The following CDH17 variants were observed in gnomAD, a reference collection of about 807,000 sequenced individuals.
The protein encoded by CDH17 is cadherin-17.
Under a neutral mutation model 86.3 loss-of-function variants are expected in CDH17, and 67 were observed. That is an observed-to-expected ratio of 0.78 (90% CI 0.64 to 0.95). The LOEUF (loss-of-function observed/expected upper bound fraction) is 0.95. CDH17 is among the 40% of genes least tolerant of loss of function. The pLI is 0.00. For missense variants in CDH17, 993 were observed against 1,017.6 expected (o/e 0.98, Z 0.33); for synonymous variants, 367 against 366.4 (o/e 1.00, Z -0.02).
In CDH17 at chr8:94,177,765, C is replaced by T. The variant is rs572405960; in HGVS notation, c.151-44G>A. ...ACAGATTAAGTTGTAAGGGAAAAAA[C>T]AATGTTGTGGAATTTGTAGAAAGTC... On this transcript the variant is annotated intron_variant, in intron 3 of 17. Transcript: ENST00000027335. 1.9e-6 allele frequency: 3 copies of T among 1,596,196 alleles called. No individual in the cohort carries two copies. In the African/African-American group the frequency reaches 4.0e-5, roughly 21 times the overall value.
rs768803708 is a variant in CDH17, at chr8:94,176,672, G to A, written c.293C>T (p.Ala98Val). The A allele has an allele frequency of 1.9e-6, 3 of 1,611,538 alleles. No individual in the cohort carries two copies. The highest frequency in any genetic ancestry group is 2.5e-6 in the Non-Finnish European group (3 of 1,179,042). The change falls in exon 5 of 18, where the codon GCC becomes GTC. Residue 98 changes from alanine to valine, a missense_variant. By Grantham distance (64) the Ala-to-Val change is moderately conservative. Transcript: ENST00000027335. ...CACTATAATTCCATTAGCGTCCAGG[G>A]CTGCAACCTGATGTTGAGGAAAAGG... ...TRSTHNLQVA[A>V]LDANGIIVEG... is the part of the protein sequence containing the mutation.
rs779795494 is a variant in CDH17 at position 94,151,945 on chromosome 8, C to T, written c.1719G>A (p.Ala573=). ...APQFSQHVFQ[A]KVSEDVAIGT... ...CTATAGCTACATCCTCACTGACTTTCGCTTGGAATACGTGTTGGGAAAATT... is the reference window on the plus strand; with the variant it reads ...CTATAGCTACATCCTCACTGACTTTTGCTTGGAATACGTGTTGGGAAAATT... The change falls in exon 13 of 18, where the codon GCG becomes GCA. Residue 573 remains alanine, a synonymous_variant. Coordinates refer to ENST00000027335, the MANE Select transcript of CDH17 (RefSeq NM_004063.4). 9.3e-6 allele frequency: 15 copies of T among 1,614,034 alleles called. No homozygotes were observed. Among genetic ancestry groups the T allele is most frequent in the African/African-American group, 5.3e-5 (4 of 74,928 alleles).
At chr8:94,176,833 A>T (rs1178286174) in intron 4 of CDH17, among the ~76,000 whole-genome samples, 154 bp from the exon 5 acceptor site, 1 of 152,194 alleles carries the variant, frequency 6.6e-6, no homozygotes, top group Non-Finnish European at 1.5e-5. Context: ...GAAATGCTAA[A>T]ACAGGGATTG....
chr8:94,151,859 G>T lies in CDH17; in HGVS notation c.1796+9C>A. On this transcript the variant is annotated intron_variant, in intron 13 of 17. Transcript: ENST00000027335. ...GCAGCCAGGCCTGCCCAGCACTGTT[G>T]CCCTTTACCTTATGTCCAGACCTTC... The T allele has an allele frequency of 6.2e-7, 1 of 1,614,032 alleles. No individual in the cohort carries two copies. Among genetic ancestry groups the T allele is most frequent in the East Asian group, 2.2e-5 (1 of 44,874 alleles).
chr8:94,130,773 T>C, intron 16 of CDH17, 34 bp from the exon 17 acceptor site: 1 of 1,570,200 alleles, frequency 6.4e-7, no homozygotes, highest in Non-Finnish European at 8.8e-7. Context: ...TAGGATAAAT[T>C]CTCAAGTGAA....
At chr8:94,182,991 A>T (rs563000389) in intron 3 of CDH17, among the ~76,000 whole-genome samples, 1 of 152,236 alleles carries the variant, frequency 6.6e-6, no homozygotes, top group East Asian at 1.9e-4. Context: ...TGATATTTTT[A>T]AAATTCCATT....
rs187280593 is a variant in CDH17 at position 94,158,840 on chromosome 8, T to C, written c.1551+1131A>G. Among the ~76,000 whole-genome samples the C allele has an allele frequency of 2.1e-3, 325 of 152,328 alleles. 3 individuals carry two copies. The highest frequency in any genetic ancestry group is 7.5e-3 in the African/African-American group (310 of 41,572). ...GTCCTAGGGCTTGCTTCAGCACTAGTGCTTTTTTCTCTGTGCTTCTGTCCA... is the reference window on the plus strand; with the variant it reads ...GTCCTAGGGCTTGCTTCAGCACTAGCGCTTTTTTCTCTGTGCTTCTGTCCA... On this transcript the variant is annotated intron_variant, in intron 12 of 17. Transcript: ENST00000027335.
At chr8:94,128,386 G>T in intron 17 of CDH17, 46 bp from the exon 18 acceptor site, 1 of 1,151,122 alleles carries the variant, frequency 8.7e-7, no homozygotes, top group Non-Finnish European at 1.3e-6. Flanking sequence ...CTTTTAAAAT[G>T]TACTGTCACA....
upstream of CDH17, among the ~76,000 whole-genome samples, chr8:94,212,711 A>C (rs1814141682): frequency 6.6e-6 from 1 of 152,154 alleles, no homozygotes; most frequent in South Asian, 2.1e-4. Context: ...TTTCTTCCCC[A>C]CTATCTACTC....
chr8:94,209,675 C>G (rs912635747), upstream of CDH17, among the ~76,000 whole-genome samples: 18 of 152,208 alleles, frequency 1.2e-4, no homozygotes, highest in Non-Finnish European at 2.5e-4. Context: ...CTTTGTCCCA[C>G]AGCCAGCATC....
intron 1 of CDH17, among the ~76,000 whole-genome samples, chr8:94,214,551 G>A (rs904346420): frequency 6.6e-6 from 1 of 151,990 alleles, no homozygotes; most frequent in Non-Finnish European, 1.5e-5. Context: ...AAAATTCTAA[G>A]AAGAAAGCAG....
At chr8:94,181,589 T>C (rs1813488645) in intron 3 of CDH17, among the ~76,000 whole-genome samples, 1 of 151,176 alleles carries the variant, frequency 6.6e-6, no homozygotes, top group Non-Finnish European at 1.5e-5. Flanking sequence ...TTGATGTAAA[T>C]GAAAATGAAA....
At chr8:94,206,730 C>A (rs763452029) in intron 1 of CDH17, among the ~76,000 whole-genome samples, 1 of 150,408 alleles carries the variant, frequency 6.6e-6, no homozygotes, top group African/African-American at 2.5e-5. Context: ...CAGCCTCAAC[C>A]TCCTGGGCTT....
chr8:94,215,232 A>G (rs182468389), intron 1 of CDH17, among the ~76,000 whole-genome samples: 56 of 152,364 alleles, frequency 3.7e-4, no homozygotes, highest in African/African-American at 1.3e-3. Flanking sequence ...AGATAGAAAC[A>G]ACCCAAATAT....
At chr8:94,204,246 A>G (rs1406579255) in intron 1 of CDH17, among the ~76,000 whole-genome samples, 1 of 152,030 alleles carries the variant, frequency 6.6e-6, no homozygotes, top group Admixed American at 6.6e-5. Flanking sequence ...TCAACCCGTC[A>G]TTTAGGTTTT....
chr8:94,199,664 C>A (rs1332794440), intron 1 of CDH17, among the ~76,000 whole-genome samples: 1 of 152,048 alleles, frequency 6.6e-6, no homozygotes, highest in Non-Finnish European at 1.5e-5. Context: ...TGCCCCTCAC[C>A]GAGGGTTTCC....
At position 94,156,141 on chromosome 8, in the gene CDH17, C is replaced by T. The variant is rs149408871; in HGVS notation, c.1551+3830G>A. Among the ~76,000 whole-genome samples, 396 of 152,264 alleles carry T rather than the reference C, an allele frequency of 2.6e-3. 3 individuals carry two copies. Among genetic ancestry groups the T allele is most frequent in the African/African-American group, 8.8e-3 (365 of 41,544 alleles). On this transcript the variant is annotated intron_variant, in intron 12 of 17. Transcript: ENST00000027335. ...TAACTGAAAAAACCTGCTCATACCA[C>T]GATTCCTTTTGTGCACAAAACCGCC...
intron 12 of CDH17, among the ~76,000 whole-genome samples, chr8:94,154,642 G>A (rs1278220167): frequency 6.6e-6 from 1 of 152,132 alleles, no homozygotes; most frequent in Non-Finnish European, 1.5e-5. Flanking sequence ...TCAGGAGTGG[G>A]CTTACTGCTG....
chr8:94,181,200 T>C (rs959661090), intron 3 of CDH17, among the ~76,000 whole-genome samples: 1 of 152,034 alleles, frequency 6.6e-6, no homozygotes, highest in Non-Finnish European at 1.5e-5. Context: ...AAAGAAAAGC[T>C]GACAGAATGG....
Sources: gnomAD v4.1 joint callset for allele counts (sites outside exome capture counted in the v4.1 genomes callset) on GRCh38, gnomAD v4.1.1 for gene constraint, MANE v1.5 for transcripts, NCBI Gene and HGNC (gene_info 2026-07-23, HGNC 2026-07-21) for gene names.